MALRD1: variants seen among roughly 807,000 people sequenced by gnomAD.
MALRD1 encodes the protein MAM and LDL-receptor class A domain-containing protein 1.
Under a neutral mutation model 242.1 loss-of-function variants are expected in MALRD1, and 247 were observed. The observed-to-expected ratio is 1.02, with a 90% CI of 0.92 to 1.13. The LOEUF is 1.13. MALRD1 is among the 50% of genes most tolerant of loss of function. MALRD1 has a pLI of 0.00. For synonymous variants in MALRD1, 995 were observed against 866.6 expected (o/e 1.15, Z -2.60); for missense variants, 2,989 against 2,533.1 (o/e 1.18, Z -3.86).
intron 35 of MALRD1, among the ~76,000 whole-genome samples, chr10:19,612,531 G>T (rs1286391064): frequency 6.6e-6 from 1 of 151,744 alleles, no homozygotes; most frequent in East Asian, 1.9e-4. Flanking sequence ...CTTAATGCCT[G>T]CTATCCCTTC....
At chr10:19,310,981 G>A (rs150914620) in intron 21 of MALRD1, among the ~76,000 whole-genome samples, 4 of 151,512 alleles carry the variant, frequency 2.6e-5, no homozygotes, top group East Asian at 2.0e-4. Flanking sequence ...TTTAGTGCTC[G>A]TCTCAGATTA....
At chr10:19,499,629 A>G (rs775314034) in intron 31 of MALRD1, among the ~76,000 whole-genome samples, 1 of 152,130 alleles carries the variant, frequency 6.6e-6, no homozygotes, top group Non-Finnish European at 1.5e-5. Context: ...TTCTGTATAT[A>G]CACACATCCT....
intron 17 of MALRD1, 140 bp downstream of exon 17, chr10:19,205,405 T>G: frequency 9.8e-7 from 1 of 1,021,530 alleles, no homozygotes; most frequent in Non-Finnish European, 1.4e-6. Context: ...GGTTAATTAG[T>G]CAAGCCATCA....
intron 29 of MALRD1, among the ~76,000 whole-genome samples, chr10:19,479,848 C>T (rs892033919): frequency 1.3e-5 from 2 of 152,158 alleles, no homozygotes; most frequent in African/African-American, 4.8e-5. Flanking sequence ...ACTTTTCCAT[C>T]CACGTGGAGA....
At chr10:19,235,357 C>G (rs543881721) in intron 18 of MALRD1, among the ~76,000 whole-genome samples, 1 of 149,184 alleles carries the variant, frequency 6.7e-6, no homozygotes, top group Non-Finnish European at 1.5e-5. Flanking sequence ...TTGCATTTTT[C>G]TGATGATTAG....
At chr10:19,131,588 T>C (rs1833110153) in intron 8 of MALRD1, among the ~76,000 whole-genome samples, 1 of 152,156 alleles carries the variant, frequency 6.6e-6, no homozygotes, top group Admixed American at 6.6e-5. Context: ...CCAAATTTAC[T>C]TGTAATTCTT....
At chr10:19,429,311 T>C (rs1278036088) in intron 28 of MALRD1, among the ~76,000 whole-genome samples, 1 of 149,824 alleles carries the variant, frequency 6.7e-6, no homozygotes, top group Admixed American at 6.6e-5. Context: ...GGCTCACACC[T>C]GTAATCCCAG....
chr10:19,108,712 C>T lies in MALRD1; in HGVS notation c.694+4637C>T, dbSNP rs552607902. On this transcript the variant is annotated intron_variant, in intron 5 of 39. Coordinates refer to ENST00000454679, the MANE Select transcript of MALRD1 (RefSeq NM_001142308.3). ...GATTACAGGCGTGAGCCACCGCGCC[C>T]GGCCGTTTTTTCTAATTTTATTGAA... is the stretch of plus-strand genomic sequence containing the variant. 4.1e-4 allele frequency among the ~76,000 whole-genome samples: 11 copies of T among 26,676 alleles called. 3 individuals are homozygous for T. Among genetic ancestry groups the T allele is most frequent in the South Asian group, 2.6e-3 (3 of 1,162 alleles). 17.5% of individuals were successfully genotyped at this position (26,676 alleles called of 152,430 possible).
chr10:19,370,078 A>G (rs1588976892), intron 26 of MALRD1, among the ~76,000 whole-genome samples: 1 of 152,264 alleles, frequency 6.6e-6, no homozygotes, highest in African/African-American at 2.4e-5. Context: ...AATTAATGTC[A>G]TGTATGGTGT....
In MALRD1 at chr10:19,374,325, A is replaced by T. The variant is rs147579026; in HGVS notation, c.4442-13203A>T. ...GCAGCTCAGATTTCAATTCCTATTG[A>T]TGCTATAGCCTGTTTCAGATAAATT... On this transcript the variant is annotated intron_variant, in intron 26 of 39. Coordinates refer to ENST00000454679, the MANE Select transcript of MALRD1 (RefSeq NM_001142308.3). Among the ~76,000 whole-genome samples the T allele has an allele frequency of 8.5e-5, 13 of 152,302 alleles. No individual in the cohort carries two copies. The East Asian group carries it at 2.3e-3, about 27-fold the overall frequency.
At chr10:19,596,134 A>G (rs1253172758) in intron 34 of MALRD1, among the ~76,000 whole-genome samples, 3 of 152,162 alleles carry the variant, frequency 2.0e-5, no homozygotes, top group Non-Finnish European at 4.4e-5. Context: ...CAGGCTGTGT[A>G]TTCAGTACCT....
chr10:19,468,128 C>G (rs1384609625), intron 29 of MALRD1, among the ~76,000 whole-genome samples: 2 of 151,816 alleles, frequency 1.3e-5, no homozygotes, highest in East Asian at 1.9e-4. Context: ...ATCTATTGTG[C>G]TTTGCACCAA....
intron 28 of MALRD1, among the ~76,000 whole-genome samples, chr10:19,400,700 A>G (rs1346117369): frequency 2.0e-5 from 3 of 152,148 alleles, no homozygotes; most frequent in Non-Finnish European, 4.4e-5. Context: ...TGGATTTTGA[A>G]AGACAAGTAG....
intron 29 of MALRD1, among the ~76,000 whole-genome samples, chr10:19,482,039 G>T (rs1837017961): frequency 6.6e-6 from 1 of 151,846 alleles, no homozygotes; most frequent in Non-Finnish European, 1.5e-5. Flanking sequence ...GTTCTAAATT[G>T]TTGGCATCAC....
chr10:19,302,262 A>G (rs1237131364), intron 21 of MALRD1, among the ~76,000 whole-genome samples: 3 of 151,798 alleles, frequency 2.0e-5, no homozygotes, highest in East Asian at 3.9e-4. Flanking sequence ...AACCAATTGA[A>G]TGAGTCACCA....
chr10:19,530,461 TAATA>T (rs200822723), intron 31 of MALRD1, among the ~76,000 whole-genome samples: 11,780 of 43,292 alleles, frequency 0.27, 2,614 homozygotes, highest in Non-Finnish European at 0.45. Flanking sequence ...TAATATATAA[TAATA>T]AATAATTATA....
intron 1 of MALRD1, among the ~76,000 whole-genome samples, chr10:19,060,197 C>T (rs1295428634): frequency 5.3e-5 from 8 of 152,054 alleles, no homozygotes; most frequent in Non-Finnish European, 1.0e-4. Context: ...CAGTATCCAC[C>T]GATGTTTCTG....
At chr10:19,126,866 A>G (rs1249747792) in intron 7 of MALRD1, among the ~76,000 whole-genome samples, 1 of 152,080 alleles carries the variant, frequency 6.6e-6, no homozygotes, top group Admixed American at 6.6e-5. Context: ...TTACCTAGGT[A>G]TTAAGACCAG....
chr10:19,272,564 G>A (rs184304450), intron 19 of MALRD1, among the ~76,000 whole-genome samples: 19 of 150,764 alleles, frequency 1.3e-4, no homozygotes, highest in Non-Finnish European at 2.2e-4. Flanking sequence ...TGTGTAGAAC[G>A]TGCAGGTTTG....
Sources: allele counts gnomAD v4.1 joint callset (sites outside exome capture counted in the v4.1 genomes callset), GRCh38; gene constraint gnomAD v4.1.1; transcripts MANE v1.5; gene names NCBI Gene and HGNC (gene_info 2026-07-23, HGNC 2026-07-21).